ABCC5: variants seen among roughly 807,000 people sequenced by gnomAD.
The protein encoded by ABCC5 is ATP-binding cassette sub-family C member 5.
Under a neutral mutation model 160.9 loss-of-function variants are expected in ABCC5, and 61 were observed. That is an observed-to-expected ratio of 0.38 (90% CI 0.31 to 0.47). ABCC5 has a LOEUF of 0.47. ABCC5 is among the 20% of genes least tolerant of loss of function. The probability of loss-of-function intolerance (pLI) is 0.99; values close to 1 mark genes in which losing one functional copy is unlikely to be tolerated. For synonymous variants in ABCC5, 666 were observed against 700.6 expected, an observed-to-expected ratio of 0.95 and a Z score of 0.78; for missense variants, 1,308 against 1,813.3, an observed-to-expected ratio of 0.72 and a Z score of 5.06.
intron 15 of ABCC5, 120 bp from the exon 16 acceptor site, chr3:183,961,774 G>A: frequency 7.9e-7 from 1 of 1,263,096 alleles, no homozygotes; most frequent in Non-Finnish European, 1.1e-6. Flanking sequence ...ACATTTGGCA[G>A]CATCTGGAGA....
chr3:183,983,943 G>A, intron 5 of ABCC5: 4 of 985,408 alleles, frequency 4.1e-6, no homozygotes, highest in Non-Finnish European at 4.8e-6. Flanking sequence ...ACACACAGTA[G>A]AAATAGAGAA....
intron 2 of ABCC5, chr3:184,001,200 C>A (rs1243832263): frequency 3.8e-6 from 2 of 522,636 alleles, no homozygotes; most frequent in Admixed American, 6.2e-5. Flanking sequence ...CTGCAGTGAG[C>A]CATGGTCATG....
intron 2 of ABCC5, among the ~76,000 whole-genome samples, chr3:184,000,338 G>C (rs1049042757): frequency 7.2e-5 from 11 of 152,024 alleles, no homozygotes; most frequent in African/African-American, 2.7e-4. Flanking sequence ...GTGAGACCCT[G>C]TCTCTAAATA....
At chr3:183,922,082 A>AAATAACT (rs1712050884) in intron 29 of ABCC5, among the ~76,000 whole-genome samples, 1 of 143,638 alleles carries the variant, frequency 7.0e-6, no homozygotes, top group African/African-American at 2.5e-5. Context: ...AATAAATAAA[A>AAATAACT]AACAACAGGC....
At chr3:183,978,265 C>T (rs1257594581) in intron 9 of ABCC5, among the ~76,000 whole-genome samples, 2 of 152,134 alleles carry the variant, frequency 1.3e-5, no homozygotes, top group Non-Finnish European at 2.9e-5. Flanking sequence ...CTTGGGGGAA[C>T]CTCCAGGTCC....
intron 29 of ABCC5, among the ~76,000 whole-genome samples, chr3:183,925,101 A>T (rs2108755710): frequency 6.6e-6 from 1 of 152,358 alleles, no homozygotes. Flanking sequence ...GCGTGATTGC[A>T]AAAAAGCAAA....
At chr3:183,973,962 C>CT (rs998678994) in intron 10 of ABCC5, among the ~76,000 whole-genome samples, 9 of 152,172 alleles carry the variant, frequency 5.9e-5, no homozygotes, top group Admixed American at 5.9e-4. Context: ...CCCATGTTTC[C>CT]TTCCTACTCC....
chr3:183,965,148 T>C, intron 14 of ABCC5, 37 bp downstream of exon 14: 1 of 1,609,132 alleles, frequency 6.2e-7, no homozygotes, highest in Non-Finnish European at 8.5e-7. Context: ...GCTCTGCCAC[T>C]CTGCTAAATG....
chr3:184,003,681 A>G (rs1326257340), intron 2 of ABCC5, among the ~76,000 whole-genome samples: 4 of 152,124 alleles, frequency 2.6e-5, no homozygotes, highest in African/African-American at 9.7e-5. Flanking sequence ...ATTCACAAAC[A>G]TATCTCCACC....
At chr3:183,977,757 A>T (rs1270457958) in intron 9 of ABCC5, 133 bp from the exon 10 acceptor site, 14 of 490,856 alleles carry the variant, frequency 2.9e-5, no homozygotes, top group African/African-American at 4.1e-5. Flanking sequence ...AGTCAATTAC[A>T]TTTTTTTTTT....
chr3:184,004,862 G>A (rs987018556), intron 2 of ABCC5, among the ~76,000 whole-genome samples: 8 of 152,212 alleles, frequency 5.3e-5, no homozygotes, highest in African/African-American at 1.9e-4. Context: ...ATTCTGTGTA[G>A]TTTATCTCTA....
chr3:183,950,373 C>T (rs1715234101), intron 20 of ABCC5, among the ~76,000 whole-genome samples: 1 of 151,914 alleles, frequency 6.6e-6, no homozygotes. Flanking sequence ...ACATTTTCCC[C>T]CTTTACAAAG....
At chr3:183,927,674 C>A in intron 27 of ABCC5, 1 of 985,406 alleles carries the variant, frequency 1.0e-6, no homozygotes, top group Non-Finnish European at 1.2e-6. Context: ...TTAAAACATC[C>A]CAGAAATCCC....
intron 8 of ABCC5, among the ~76,000 whole-genome samples, chr3:183,979,825 C>G (rs1718550891): frequency 6.6e-6 from 1 of 151,794 alleles, no homozygotes; most frequent in African/African-American, 2.4e-5. Flanking sequence ...GTGATCCTGT[C>G]TCTCCTTCCA....
At position 183,982,457 on chromosome 3, in the gene ABCC5, T is replaced by C. The variant is rs754922189; in HGVS notation, c.993A>G (p.Pro331=). 1 of 1,613,466 alleles carries C rather than the reference T, an allele frequency of 6.2e-7. No homozygotes were observed. The highest frequency in any genetic ancestry group is 1.3e-5 in the African/African-American group (1 of 74,904). ...AGCTGGGAGGCTTACTCACCATTGC[T>C]GGGTAAAAGAGGATAAAAACAGCTG... ...LGSAVFILFY[P]AMMFASRLTA... The change falls in exon 7 of 30, where the codon CCA becomes CCG. Residue 331 remains proline (P), a synonymous_variant. Transcript: ENST00000334444. This position sits in a 1 kb window ranked among gnomAD's most constrained non-coding sequence, Gnocchi z 5.2.
chr3:184,008,521 G>C (rs1721425741), intron 2 of ABCC5, among the ~76,000 whole-genome samples: 1 of 152,228 alleles, frequency 6.6e-6, no homozygotes, highest in Non-Finnish European at 1.5e-5. Flanking sequence ...AGGATTAAAG[G>C]ATGCCTGCTA....
In ABCC5 at chr3:183,958,408, A is replaced by G. The variant is rs144138670; in HGVS notation, c.2482+1325T>C. 1.4e-4 allele frequency among the ~76,000 whole-genome samples: 21 copies of G among 152,316 alleles called. No individual in the cohort carries two copies. In the East Asian group the frequency reaches 3.7e-3, roughly 27 times the overall value. ...TGAGTAGCCAGGTTAGTGACTATGT[A>G]CAGAAGAACATATGTTTGCTAATGA... On this transcript the variant is annotated intron_variant, in intron 17 of 29. Transcript: ENST00000334444.
Position 183,989,382 on chromosome 3 carries a change from A to C in ABCC5, c.131T>G (p.Leu44Trp). 2 of 1,613,798 alleles carry C rather than the reference A, an allele frequency of 1.2e-6. No individual in the cohort carries two copies. Among genetic ancestry groups the C allele is most frequent in the Non-Finnish European group, 1.7e-6 (2 of 1,179,864 alleles). ...TGTTTCCAAGGCATCTTGGCATTCCAACTGTTCCAGCAGATAGGGAGAAAG... is the reference window on the plus strand; with the variant it reads ...TGTTTCCAAGGCATCTTGGCATTCCCACTGTTCCAGCAGATAGGGAGAAAG... Reference protein sequence around the residue: ...EDSKFRRTRPLECQDALETAA... With the variant: ...EDSKFRRTRPWECQDALETAA... Residue 44 changes from leucine to tryptophan, a missense_variant and splice_region_variant, in exon 3 of 30, where the codon TTG becomes TGG. This residue lies in a region of ABCC5 where 1,142 missense variants were observed against 1,527.1 expected (regional missense o/e 0.75). Coordinates refer to ENST00000334444, the MANE Select transcript of ABCC5 (RefSeq NM_005688.4).
intron 1 of ABCC5, among the ~76,000 whole-genome samples, chr3:184,015,494 G>A (rs1212343365): frequency 6.6e-6 from 1 of 152,092 alleles, no homozygotes; most frequent in African/African-American, 2.4e-5. Context: ...TACTACTTCT[G>A]CAGCACAAAA....
Sources: allele counts gnomAD v4.1 joint callset (sites outside exome capture counted in the v4.1 genomes callset), GRCh38; gene constraint gnomAD v4.1.1; regional missense constraint gnomAD v4.1.1; non-coding constraint Gnocchi (gnomAD v3.1); transcripts MANE v1.5; gene names NCBI Gene and HGNC (gene_info 2026-07-23, HGNC 2026-07-21).